The following CDH13 variants were observed in gnomAD, a reference collection of about 807,000 sequenced individuals.
CDH13 encodes the protein cadherin 13.
A neutral mutation model predicts 63.8 loss-of-function variants in CDH13; 24 were observed. The ratio of observed to expected loss-of-function variants is 0.38; its 90% CI spans 0.27 to 0.53. The LOEUF is 0.53. CDH13 is among the 20% of genes least tolerant of loss of function. The pLI, the probability that CDH13 is intolerant of heterozygous loss-of-function variation, is 0.85. For missense variants in CDH13, 1,049 were observed against 903.1 expected (o/e 1.16, Z -2.07); for synonymous variants, 503 against 355.3 (o/e 1.42, Z -4.67).
At chr16:82,628,181 CA>C (rs1053864052) in intron 1 of CDH13, among the ~76,000 whole-genome samples, 2 of 152,216 alleles carry the variant, frequency 1.3e-5, no homozygotes, top group Non-Finnish European at 2.9e-5. Flanking sequence ...CACCCCGATC[CA>C]GTCCCCCATC....
intron 2 of CDH13, among the ~76,000 whole-genome samples, chr16:83,004,044 G>A (rs1457528422): frequency 6.6e-6 from 1 of 152,124 alleles, no homozygotes; most frequent in African/African-American, 2.4e-5. Flanking sequence ...ATGCTCTTTG[G>A]GAAAAAAATA....
chr16:82,762,318 C>G (rs1207231514), intron 1 of CDH13, among the ~76,000 whole-genome samples: 1 of 152,138 alleles, frequency 6.6e-6, no homozygotes, highest in Non-Finnish European at 1.5e-5. Flanking sequence ...AAATTGTTAT[C>G]TACTATTCAT....
chr16:83,595,777 C>T (rs1000723996), intron 7 of CDH13, among the ~76,000 whole-genome samples: 6 of 152,160 alleles, frequency 3.9e-5, no homozygotes, highest in African/African-American at 1.4e-4. Context: ...AGCCCTATGC[C>T]CCTGGAACCC....
At chr16:83,133,886 C>G (rs1469957948) in intron 4 of CDH13, among the ~76,000 whole-genome samples, 1 of 152,206 alleles carries the variant, frequency 6.6e-6, no homozygotes. Context: ...TCCTTCCCTG[C>G]CTTCCCACTA....
At chr16:83,005,273 T>G (rs1314079584) in intron 2 of CDH13, among the ~76,000 whole-genome samples, 1 of 152,182 alleles carries the variant, frequency 6.6e-6, no homozygotes, top group African/African-American at 2.4e-5. Context: ...CACTCAAAGA[T>G]TAAGTTTGGA....
At chr16:82,997,175 G>A (rs1358716968) in intron 2 of CDH13, among the ~76,000 whole-genome samples, 2 of 152,078 alleles carry the variant, frequency 1.3e-5, no homozygotes, top group African/African-American at 4.8e-5. Context: ...TGATGGTGAT[G>A]ATGGTGGTGA....
At chr16:82,793,389 A>T (rs1308212162) in intron 1 of CDH13, among the ~76,000 whole-genome samples, 2 of 152,140 alleles carry the variant, frequency 1.3e-5, no homozygotes, top group African/African-American at 4.8e-5. Context: ...GGGAAAAAAA[A>T]AATCACTCCA....
chr16:83,530,761 A>AGTT (rs201814543), intron 7 of CDH13, among the ~76,000 whole-genome samples: 3,330 of 152,336 alleles, frequency 0.022, 55 homozygotes, highest in Non-Finnish European at 0.033. Context: ...ACTGGTCCTG[A>AGTT]CAAAGAAGGA....
intron 7 of CDH13, among the ~76,000 whole-genome samples, chr16:83,538,941 C>A (rs1463233358): frequency 6.6e-6 from 1 of 152,134 alleles, no homozygotes; most frequent in African/African-American, 2.4e-5. Context: ...ATTTCAACTA[C>A]CAGGGCACAC....
chr16:83,472,686 G>T (rs146316580), intron 6 of CDH13, among the ~76,000 whole-genome samples: 1 of 152,292 alleles, frequency 6.6e-6, no homozygotes, highest in East Asian at 1.9e-4. Flanking sequence ...CAGTATTATT[G>T]TAGGGTAGAA....
In CDH13 at chr16:83,535,493, G is replaced by A. The variant is rs958713637; in HGVS notation, c.960+48838G>A. Among the ~76,000 whole-genome samples, 58 of 152,322 alleles carry A rather than the reference G, an allele frequency of 3.8e-4. 1 individual carries two copies. Among genetic ancestry groups the A allele is most frequent in the African/African-American group, 7.9e-4 (33 of 41,580 alleles). ...CCAAGGCAAAGGTTAGTGTGTGACCGTGAGGACCAAAGGAAGAGGACAGTC... is the reference window on the plus strand; with the variant it reads ...CCAAGGCAAAGGTTAGTGTGTGACCATGAGGACCAAAGGAAGAGGACAGTC... On this transcript the variant is annotated intron_variant, in intron 7 of 13. Transcript: ENST00000567109.
At position 83,125,448 on chromosome 16, in the gene CDH13, C is replaced by T. The variant is rs1477620126; in HGVS notation, c.430C>T (p.Pro144Ser). The change falls in exon 4 of 14, where the codon CCC becomes TCC. Residue 144 changes from proline to serine, a missense_variant. Physicochemically the swap from Pro to Ser is moderately conservative, Grantham distance 74. Coordinates refer to ENST00000567109, the MANE Select transcript of CDH13 (RefSeq NM_001257.5). ...PRQKRSIVVS[P>S]ILIPENQRQP... ...ACAAAAGAGGTCCATTGTGGTATCT[C>T]CCATTTTAATTCCAGAGAATCAGAG... is the stretch of plus-strand genomic sequence containing the variant. 2.5e-6 allele frequency: 4 copies of T among 1,612,394 alleles called. No homozygotes were observed. The highest frequency in any genetic ancestry group is 3.4e-6 in the Non-Finnish European group (4 of 1,178,564).
intron 2 of CDH13, among the ~76,000 whole-genome samples, chr16:82,860,389 G>GGA (rs2039890999): frequency 4.8e-5 from 2 of 41,602 alleles, no homozygotes; most frequent in Non-Finnish European, 9.9e-5. Flanking sequence ...GTGTGTGTGT[G>GGA]GGGGGGGGGG....
chr16:83,728,738 G>C (rs1910715721), intron 10 of CDH13: 1 of 152,178 alleles, frequency 6.6e-6, no homozygotes, highest in African/African-American at 2.4e-5. Flanking sequence ...TTGCTGATGT[G>C]ACGGGTTTTG....
At chr16:82,882,716 C>T (rs1439806590) in intron 2 of CDH13, among the ~76,000 whole-genome samples, 1 of 151,874 alleles carries the variant, frequency 6.6e-6, no homozygotes, top group African/African-American at 2.4e-5. Context: ...ACAAACCTAA[C>T]AGTATGTATG....
At chr16:82,881,493 G>C (rs1378390432) in intron 2 of CDH13, among the ~76,000 whole-genome samples, 2 of 152,152 alleles carry the variant, frequency 1.3e-5, no homozygotes, top group Non-Finnish European at 2.9e-5. Flanking sequence ...ATTACAATCT[G>C]TTTTTGGATG....
At chr16:83,124,312 C>T (rs2035718114) in intron 3 of CDH13, among the ~76,000 whole-genome samples, 1 of 152,130 alleles carries the variant, frequency 6.6e-6, no homozygotes, top group African/African-American at 2.4e-5. Flanking sequence ...TCCCAAAGTG[C>T]TGGGATTATA....
intron 2 of CDH13, among the ~76,000 whole-genome samples, chr16:82,903,121 G>A (rs911568013): frequency 6.6e-6 from 1 of 152,264 alleles, no homozygotes; most frequent in African/African-American, 2.4e-5. Context: ...CACATGAGCA[G>A]TAAGTGGTGA....
intron 1 of CDH13, among the ~76,000 whole-genome samples, chr16:82,794,402 T>TTTTTC (rs905741101): frequency 8.0e-6 from 1 of 124,566 alleles, no homozygotes; most frequent in African/African-American, 2.5e-5. Context: ...AAGGAATTTT[T>TTTTTC]TTTTCTTTTC....
Sources: gnomAD v4.1 joint callset for allele counts (sites outside exome capture counted in the v4.1 genomes callset) on GRCh38, gnomAD v4.1.1 for gene constraint, MANE v1.5 for transcripts, NCBI Gene and HGNC (gene_info 2026-07-23, HGNC 2026-07-21) for gene names.